Variants in MID1 observed in about 807,000 individuals in gnomAD.
MID1 encodes the protein midline 1, also known as E3 ubiquitin-protein ligase Midline-1.
A neutral mutation model predicts 40.4 loss-of-function variants in MID1; 7 were observed. The observed-to-expected ratio is 0.17, with a 90% CI of 0.10 to 0.33. MID1 has a LOEUF of 0.33. Ranked by LOEUF, MID1 falls within the 10% of genes least tolerant of loss-of-function variation. The probability of loss-of-function intolerance (pLI) is 1.00; values close to 1 mark genes in which losing one functional copy is unlikely to be tolerated. For synonymous variants in MID1, 229 were observed against 221.2 expected, an observed-to-expected ratio of 1.04 and a Z score of -0.31; for missense variants, 367 against 558.5, an observed-to-expected ratio of 0.66 and a Z score of 3.46.
Position 10,667,892 on chromosome X carries a change from G to A in MID1, c.-186-47473C>T, listed in dbSNP as rs889896746. Among the ~76,000 whole-genome samples the A allele has an allele frequency of 2.7e-5, 3 of 112,082 alleles. No homozygotes were observed. The Admixed American group carries it at 2.8e-4, about 11-fold the overall frequency. On this transcript the variant is annotated intron_variant, in intron 1 of 10. Transcript: ENST00000380785. ...AATTAAAAGCAATAGGGCAATAATC[G>A]TTGCAGGAAAGTAAGCCCCTAAAAC...
intron 1 of MID1, among the ~76,000 whole-genome samples, chrX:10,642,162 G>T (rs905562978): frequency 9.0e-6 from 1 of 111,685 alleles, no homozygotes; most frequent in African/African-American, 3.3e-5. Context: ...GGAAGTTCTG[G>T]CCAGGGCAAT....
intron 1 of MID1, among the ~76,000 whole-genome samples, chrX:10,774,962 AT>A (rs1377940440): frequency 9.0e-6 from 1 of 111,070 alleles, no homozygotes; most frequent in Non-Finnish European, 1.9e-5. Context: ...GATGTGGATA[AT>A]CTTAAAGTTT....
At chrX:10,490,165 C>T (rs1930861003) in intron 4 of MID1, among the ~76,000 whole-genome samples, 1 of 111,404 alleles carries the variant, frequency 9.0e-6, no homozygotes, top group Non-Finnish European at 1.9e-5. Flanking sequence ...TGAGTCTTTA[C>T]CCCATAACAT....
chrX:10,765,881 AAAG>A (rs1395331295), intron 1 of MID1, among the ~76,000 whole-genome samples: 63 of 107,739 alleles, frequency 5.8e-4, no homozygotes, highest in African/African-American at 2.1e-3. Flanking sequence ...AGACAAAAAG[AAAG>A]AAAGAAAGAA....
At chrX:10,505,401 G>A (rs1179959354) in intron 3 of MID1, 9 of 749,583 alleles carry the variant, frequency 1.2e-5, no homozygotes, top group Non-Finnish European at 1.3e-5. Context: ...AATGGAAGGG[G>A]TTGCTCATAA....
At chrX:10,767,035 C>G (rs181279424) in intron 1 of MID1, among the ~76,000 whole-genome samples, 42 of 111,652 alleles carry the variant, frequency 3.8e-4, no homozygotes, top group African/African-American at 1.3e-3. Context: ...AGAGCAGCCT[C>G]TATGTCCCAC....
intron 1 of MID1, among the ~76,000 whole-genome samples, chrX:10,630,329 C>T (rs1306743838): frequency 9.0e-6 from 1 of 111,026 alleles, no homozygotes; most frequent in African/African-American, 3.3e-5. Context: ...TTAGCAAAGT[C>T]CTAAGGAAGT....
intron 2 of MID1, among the ~76,000 whole-genome samples, chrX:10,536,787 G>A (rs149796005): frequency 0.049 from 5,530 of 112,172 alleles, 152 homozygotes; most frequent in Non-Finnish European, 0.08. Context: ...AGCTAAGTAG[G>A]AAGTAAGCAA....
At chrX:10,585,985 C>T (rs1427254244) in intron 1 of MID1, among the ~76,000 whole-genome samples, 7 of 111,133 alleles carry the variant, frequency 6.3e-5, no homozygotes, top group Non-Finnish European at 1.1e-4. Flanking sequence ...GTTTATGAGC[C>T]TCCACCAGTC....
intron 1 of MID1, among the ~76,000 whole-genome samples, chrX:10,700,141 A>G (rs1180748851): frequency 9.0e-6 from 1 of 111,551 alleles, no homozygotes; most frequent in Non-Finnish European, 1.9e-5. Context: ...GTTTTAATAA[A>G]GTTTTACTGT....
At chrX:10,597,682 G>A (rs1935439264) in intron 1 of MID1, among the ~76,000 whole-genome samples, 1 of 111,844 alleles carries the variant, frequency 8.9e-6, no homozygotes, top group Admixed American at 9.5e-5. Flanking sequence ...CTTGTGACAG[G>A]GGGTTGAAAA....
intron 1 of MID1, among the ~76,000 whole-genome samples, chrX:10,771,263 T>C (rs1010502146): frequency 9.0e-6 from 1 of 111,200 alleles, no homozygotes; most frequent in African/African-American, 3.3e-5. Flanking sequence ...TTAAGTGGAA[T>C]GTTGTATTTT....
chrX:10,774,847 GT>G (rs1423900986), intron 1 of MID1, among the ~76,000 whole-genome samples: 1 of 111,531 alleles, frequency 9.0e-6, no homozygotes, highest in Admixed American at 9.6e-5. Context: ...ACTTTCAAGA[GT>G]TTTCAAGATT....
At chrX:10,550,377 C>G (rs902866906) in intron 2 of MID1, among the ~76,000 whole-genome samples, 1 of 112,109 alleles carries the variant, frequency 8.9e-6, no homozygotes, top group African/African-American at 3.2e-5. Flanking sequence ...ATTTCATAAG[C>G]CTTTGGAGGT....
At chrX:10,818,559 T>G (rs1285848761) in intron 1 of MID1, among the ~76,000 whole-genome samples, 3 of 112,129 alleles carry the variant, frequency 2.7e-5, no homozygotes, top group Non-Finnish European at 5.6e-5. Context: ...CTAAACAACT[T>G]TGAGTGATTT....
At chrX:10,631,949 C>A (rs1168743390) in intron 1 of MID1, among the ~76,000 whole-genome samples, 1 of 111,661 alleles carries the variant, frequency 9.0e-6, no homozygotes, top group East Asian at 2.8e-4. Flanking sequence ...CCAGGGCAGG[C>A]AACAATGTCT....
upstream of MID1, among the ~76,000 whole-genome samples, chrX:10,620,883 G>T (rs1437360350): frequency 8.9e-6 from 1 of 112,038 alleles, no homozygotes; most frequent in African/African-American, 3.3e-5. Context: ...AATTATTTCA[G>T]CCAGAAAAGT....
chrX:10,467,770 C>A (rs1295946470), intron 7 of MID1, among the ~76,000 whole-genome samples: 1 of 112,111 alleles, frequency 8.9e-6, no homozygotes, highest in African/African-American at 3.2e-5. Flanking sequence ...GATTAGGTGA[C>A]TGAGGATTAA....
chrX:10,709,886 A>G (rs1477646368), intron 1 of MID1, among the ~76,000 whole-genome samples: 1 of 112,082 alleles, frequency 8.9e-6, no homozygotes, highest in African/African-American at 3.2e-5. Context: ...GGAAGTGAAA[A>G]AGTCAGCAAG....
Sources: gnomAD v4.1 joint callset for allele counts (sites outside exome capture counted in the v4.1 genomes callset) on GRCh38, gnomAD v4.1.1 for gene constraint, MANE v1.5 for transcripts, NCBI Gene and HGNC (gene_info 2026-07-23, HGNC 2026-07-21) for gene names.